Variants in ADGRB3 observed in about 807,000 individuals in gnomAD.
The protein encoded by ADGRB3 is brain-specific angiogenesis inhibitor 3.
Under a neutral mutation model 193.4 loss-of-function variants are expected in ADGRB3, and 37 were observed. That is an observed-to-expected ratio of 0.19 (90% CI 0.15 to 0.25). ADGRB3 has a LOEUF of 0.25. ADGRB3 is among the 10% of genes least tolerant of loss of function. ADGRB3 has a pLI of 1.00. For synonymous variants in ADGRB3, 690 were observed against 644.2 expected (o/e 1.07, Z -1.08); for missense variants, 1,637 against 1,852.9 (o/e 0.88, Z 2.14).
In ADGRB3 at chr6:69,383,041, A is replaced by C. The variant is rs1239805814; in HGVS notation, c.4380+106A>C. Reference sequence around the variant, plus strand: ...GTGGGAACATAAGATGAGTCTACATAGAAAAAAAAAGTATAAGCCCCCAAA... The same window carrying C: ...GTGGGAACATAAGATGAGTCTACATCGAAAAAAAAAGTATAAGCCCCCAAA... On this transcript the variant is annotated intron_variant, in intron 31 of 31. Coordinates refer to ENST00000370598, the MANE Select transcript of ADGRB3 (RefSeq NM_001704.3). 5 of 616,678 alleles carry C rather than the reference A, an allele frequency of 8.1e-6. No individual in the cohort carries two copies. In the South Asian group the frequency reaches 1.8e-4, roughly 22 times the overall value. 38.2% of individuals were successfully genotyped at this position (616,678 alleles called of 1,614,324 possible).
chr6:68,669,244 G>GT (rs1001986671), intron 3 of ADGRB3, among the ~76,000 whole-genome samples: 2 of 151,762 alleles, frequency 1.3e-5, no homozygotes, highest in African/African-American at 4.8e-5. Context: ...CACTCTTTTA[G>GT]TTTTTTAAAA....
intron 3 of ADGRB3, among the ~76,000 whole-genome samples, chr6:68,654,222 G>A (rs1246034703): frequency 2.0e-5 from 3 of 151,992 alleles, no homozygotes; most frequent in South Asian, 2.1e-4. Context: ...TCAGAGGCGG[G>A]AGAGGAAAAG....
At chr6:68,675,901 C>T (rs1248461817) in intron 3 of ADGRB3, among the ~76,000 whole-genome samples, 1 of 152,144 alleles carries the variant, frequency 6.6e-6, no homozygotes, top group Non-Finnish European at 1.5e-5. Context: ...ATTGAAGAAT[C>T]CGCTTTTTAT....
At chr6:69,198,071 G>C (rs767586059) in intron 17 of ADGRB3, among the ~76,000 whole-genome samples, 1 of 151,908 alleles carries the variant, frequency 6.6e-6, no homozygotes, top group East Asian at 1.9e-4. Context: ...TCCACTTCTT[G>C]TGTTTTGAAC....
chr6:68,644,848 T>A (rs1768164612), intron 3 of ADGRB3, among the ~76,000 whole-genome samples: 1 of 152,206 alleles, frequency 6.6e-6, no homozygotes, highest in African/African-American at 2.4e-5. Flanking sequence ...TTTGTTTGTA[T>A]GTATACAATG....
intron 5 of ADGRB3, among the ~76,000 whole-genome samples, chr6:68,938,380 T>C (rs1037214190): frequency 1.3e-5 from 2 of 151,680 alleles, no homozygotes; most frequent in African/African-American, 4.8e-5. Context: ...TATTTTATTT[T>C]ATTTTTTAAA....
At chr6:68,794,452 G>C (rs150272340) in intron 3 of ADGRB3, among the ~76,000 whole-genome samples, 1 of 152,026 alleles carries the variant, frequency 6.6e-6, no homozygotes, top group Non-Finnish European at 1.5e-5. Flanking sequence ...GCTCTTCTGC[G>C]ATCTGAGATG....
intron 3 of ADGRB3, among the ~76,000 whole-genome samples, chr6:68,759,730 T>C (rs1356029196): frequency 6.6e-6 from 1 of 152,092 alleles, no homozygotes; most frequent in Non-Finnish European, 1.5e-5. Flanking sequence ...AGAATATTTC[T>C]TGTGTTAATG....
intron 20 of ADGRB3, among the ~76,000 whole-genome samples, chr6:69,317,690 CTT>C (rs1203698993): frequency 6.6e-6 from 1 of 151,470 alleles, no homozygotes; most frequent in Non-Finnish European, 1.5e-5. Context: ...CTCTACCACT[CTT>C]TGTCAGTTAA....
At chr6:68,891,871 G>C (rs1479877141) in intron 3 of ADGRB3, among the ~76,000 whole-genome samples, 1 of 152,132 alleles carries the variant, frequency 6.6e-6, no homozygotes, top group African/African-American at 2.4e-5. Context: ...CAATCTTCCA[G>C]CTGGTAGTTA....
intron 3 of ADGRB3, among the ~76,000 whole-genome samples, chr6:68,661,540 T>TATATATATGTGTATAC (rs1768654961): frequency 1.6e-4 from 1 of 6,236 alleles, no homozygotes; most frequent in African/African-American, 8.7e-4. Context: ...TGTGTATACA[T>TATATATATGTGTATAC]ATATATATAT....
intron 3 of ADGRB3, among the ~76,000 whole-genome samples, chr6:68,671,309 C>G (rs1217754802): frequency 1.3e-5 from 2 of 151,882 alleles, no homozygotes; most frequent in African/African-American, 2.4e-5. Context: ...ACAGTGGTGA[C>G]AGTGGGAAAC....
chr6:69,064,361 A>AAC (rs1771837825), intron 16 of ADGRB3, among the ~76,000 whole-genome samples: 1 of 151,974 alleles, frequency 6.6e-6, no homozygotes, highest in African/African-American at 2.4e-5. Context: ...TAAACTATTT[A>AAC]AACTATTAGT....
Position 69,338,979 on chromosome 6 carries a change from A to C in ADGRB3, c.3252A>C (p.Thr1084=). Residue 1084 remains threonine, a synonymous_variant, in exon 25 of 32, where the codon ACA becomes ACC. Coordinates refer to ENST00000370598, the MANE Select transcript of ADGRB3 (RefSeq NM_001704.3). ...LKCAKCGVVS[T]TALSATTASN... ...GTGCCAAGTGTGGAGTAGTTTCAACAACAGCTTTGTCAGCCACCACCGCCA... is the reference window on the plus strand; with the variant it reads ...GTGCCAAGTGTGGAGTAGTTTCAACCACAGCTTTGTCAGCCACCACCGCCA... 1 of 1,613,894 alleles carries C rather than the reference A, an allele frequency of 6.2e-7. No homozygotes were observed.
chr6:68,765,853 G>A (rs1390631589), intron 3 of ADGRB3, among the ~76,000 whole-genome samples: 2 of 151,758 alleles, frequency 1.3e-5, no homozygotes, highest in African/African-American at 4.8e-5. Flanking sequence ...AAAAGCTCCC[G>A]GACTAGGTAA....
intron 17 of ADGRB3, among the ~76,000 whole-genome samples, chr6:69,157,415 T>G (rs181620540): frequency 1.2e-4 from 18 of 152,232 alleles, no homozygotes; most frequent in Non-Finnish European, 1.9e-4. Flanking sequence ...CTCAAAGAAA[T>G]TACTTGATGG....
At chr6:68,777,386 T>C (rs754942533) in intron 3 of ADGRB3, among the ~76,000 whole-genome samples, 28 of 152,190 alleles carry the variant, frequency 1.8e-4, no homozygotes, top group Middle Eastern at 6.8e-3. Flanking sequence ...AATGTAGAAA[T>C]ATATTTTTTT....
intron 3 of ADGRB3, among the ~76,000 whole-genome samples, chr6:68,774,053 T>C (rs182373036): frequency 2.0e-5 from 3 of 152,264 alleles, no homozygotes; most frequent in African/African-American, 4.8e-5. Context: ...TTACATGCAA[T>C]GTATTTTCTT....
At chr6:69,249,139 G>A (rs1050836041) in intron 20 of ADGRB3, among the ~76,000 whole-genome samples, 10 of 152,050 alleles carry the variant, frequency 6.6e-5, no homozygotes, top group Admixed American at 1.3e-4. Flanking sequence ...CACCATGCCC[G>A]GCTAATTATT....
Sources: allele counts gnomAD v4.1 joint callset (sites outside exome capture counted in the v4.1 genomes callset), GRCh38; gene constraint gnomAD v4.1.1; transcripts MANE v1.5; gene names NCBI Gene and HGNC (gene_info 2026-07-23, HGNC 2026-07-21).